ALKBH2: variants seen among roughly 807,000 people sequenced by gnomAD.
ALKBH2 encodes DNA oxidative demethylase ALKBH2.
Under a neutral mutation model 19.7 loss-of-function variants are expected in ALKBH2, and 19 were observed. The observed-to-expected ratio is 0.97, with a 90% CI of 0.67 to 1.42. ALKBH2 has a LOEUF of 1.42. Among genes scored for constraint, ALKBH2 ranks in the 40% most tolerant of loss-of-function variants. The pLI is 0.00. For synonymous variants in ALKBH2, 135 were observed against 131.2 expected (o/e 1.03, Z -0.20); for missense variants, 310 against 328.5 (o/e 0.94, Z 0.43).
intron 2 of ALKBH2, 84 bp from the exon 3 acceptor site, chr12:109,090,291 AC>A: frequency 1.6e-6 from 2 of 1,255,666 alleles, no homozygotes; most frequent in Non-Finnish European, 2.3e-6. Flanking sequence ...CACTGCCATC[AC>A]CAGAAATCCA....
Position 109,092,487 on chromosome 12 carries a change from A to ACACACACACACC in ALKBH2, c.280+19_280+20insGGTGTGTGTGTG. The ACACACACACACC allele has an allele frequency of 6.5e-7, 1 of 1,545,878 alleles. No homozygotes were observed. Reference sequence around the variant, plus strand: ...AAGCCCTCAATGCACACACACACACACACACACCCCTCTGCTTACCTGTAA... The same window carrying ACACACACACACC: ...AAGCCCTCAATGCACACACACACACACACACACACACCCACACACCCCTCTGCTTACCTGTAA... On this transcript the variant is annotated intron_variant, in intron 2 of 3. Transcript: ENST00000429722.
chr12:109,089,779 G>T lies in ALKBH2; in HGVS notation c.479+230C>A, dbSNP rs150584793. 2,809 of 549,332 alleles carry T rather than the reference G, an allele frequency of 5.1e-3. 142 individuals carry two copies. The Admixed American group carries it at 0.078, about 15-fold the overall frequency. The allele number at this position is 549,332 out of a possible 1,614,324, so 34.0% of individuals were successfully genotyped here. A position where few individuals can be genotyped will look rare whatever the true frequency, so the allele number is the denominator to read the frequency against. On this transcript the variant is annotated intron_variant, in intron 3 of 3. Coordinates refer to ENST00000429722, the MANE Select transcript of ALKBH2 (RefSeq NM_001145374.2). Reference sequence around the variant, plus strand: ...AAAAAAAGAAAGAAAAAGAGAAGAAGAAATTATCTCATTCAGCTGTTTGTT... The same window carrying T: ...AAAAAAAGAAAGAAAAAGAGAAGAATAAATTATCTCATTCAGCTGTTTGTT...
Position 109,088,271 on chromosome 12 carries a change from T to C in ALKBH2, c.721A>G (p.Arg241Gly), listed in dbSNP as rs781476026. 1 of 1,613,912 alleles carries C rather than the reference T, an allele frequency of 6.2e-7. No individual in the cohort carries two copies. The highest frequency in any genetic ancestry group is 8.5e-7 in the Non-Finnish European group (1 of 1,179,880). ...NTHWYHSLPV[R>G]KKVLAPRVNL... is the part of the protein sequence containing the mutation. ...ACCCGTGGAGCCAGAACCTTCTTTC[T>C]CACGGGAAGACTGTGGTACCAGTGC... Residue 241 changes from arginine to glycine, a missense_variant, in exon 4 of 4, where the codon AGA becomes GGA. By Grantham distance (125) the Arg-to-Gly change is moderately radical. Coordinates refer to ENST00000429722, the MANE Select transcript of ALKBH2 (RefSeq NM_001145374.2). This position sits in a 1 kb window ranked among gnomAD's most constrained non-coding sequence, Gnocchi z 4.2.
Position 109,092,330 on chromosome 12 carries a change from T to C in ALKBH2, c.280+177A>G, listed in dbSNP as rs1325874682. The C allele has an allele frequency of 1.9e-5, 18 of 963,942 alleles. No individual in the cohort carries two copies. In the South Asian group the frequency reaches 3.5e-4, roughly 19 times the overall value. The allele number at this position is 963,942 out of a possible 1,614,324, so 59.7% of individuals were successfully genotyped here. On this transcript the variant is annotated intron_variant, in intron 2 of 3. Transcript: ENST00000429722. ...CAATCCAGTTTCTTTCAAGTTTATG[T>C]CCCAAGCACCTAAGGGGCTTAGCCC...
chr12:109,092,340 C>CT, intron 2 of ALKBH2, 167 bp downstream of exon 2: 1 of 1,100,224 alleles, frequency 9.1e-7, no homozygotes, highest in Non-Finnish European at 1.2e-6. Context: ...TCCCAAGCAC[C>CT]TAAGGGGCTT....
Position 109,092,955 on chromosome 12 carries a change from G to A in ALKBH2, c.-151-18C>T, listed in dbSNP as rs2042087472. The A allele has an allele frequency of 7.0e-7, 1 of 1,421,466 alleles. No individual in the cohort carries two copies. Among genetic ancestry groups the A allele is most frequent in the African/African-American group, 1.4e-5 (1 of 69,224 alleles). 88.1% of individuals were successfully genotyped at this position (1,421,466 alleles called of 1,614,324 possible). Reference sequence around the variant, plus strand: ...ACCATGTCCTAGAAAGGAAACAGAAGATGTTAAAGCCGGAAGGGACCCTAG... The same window carrying A: ...ACCATGTCCTAGAAAGGAAACAGAAAATGTTAAAGCCGGAAGGGACCCTAG... On this transcript the variant is annotated intron_variant, in intron 1 of 3. Coordinates refer to ENST00000429722, the MANE Select transcript of ALKBH2 (RefSeq NM_001145374.2).
intron 2 of ALKBH2, among the ~76,000 whole-genome samples, chr12:109,091,433 G>C (rs1047098393): frequency 1.3e-5 from 2 of 152,140 alleles, no homozygotes; most frequent in Non-Finnish European, 2.9e-5. Flanking sequence ...ATGTTGCCCA[G>C]GCTGGACTTG....
rs1026359980 is a variant in ALKBH2, at chr12:109,088,280, G to A, written c.712C>T (p.Leu238Phe). ...HPTNTHWYHS[L>F]PVRKKVLAPR... ...GCCAGAACCTTCTTTCTCACGGGAA[G>A]ACTGTGGTACCAGTGCGTGTTGGTC... The change falls in exon 4 of 4, where the codon CTT becomes TTT. Residue 238 changes from leucine (L) to phenylalanine (F), a missense_variant. Leu to Phe is a conservative substitution (Grantham distance 22, BLOSUM62 0). Coordinates refer to ENST00000429722, the MANE Select transcript of ALKBH2 (RefSeq NM_001145374.2). The surrounding 1 kb of genome is among the most constrained non-coding windows in gnomAD (Gnocchi z 4.2). The A allele has an allele frequency of 1.2e-6, 2 of 1,614,124 alleles. No individual in the cohort carries two copies. Among genetic ancestry groups the A allele is most frequent in the Admixed American group, 1.7e-5 (1 of 60,016 alleles).
At chr12:109,089,924 G>C in intron 3 of ALKBH2, 85 bp downstream of exon 3, 1 of 1,470,020 alleles carries the variant, frequency 6.8e-7, no homozygotes, top group Non-Finnish European at 9.4e-7. Context: ...TTGTACCAAT[G>C]AACCAAATAG....
intron 3 of ALKBH2, among the ~76,000 whole-genome samples, chr12:109,089,400 G>C (rs1259885042): frequency 6.6e-6 from 1 of 152,144 alleles, no homozygotes; most frequent in Non-Finnish European, 1.5e-5. Context: ...CAGGGGACAG[G>C]TATTGGGGGG....
In ALKBH2 at chr12:109,088,486, C is replaced by G; in HGVS notation, c.506G>C (p.Gly169Ala). Residue 169 changes from glycine to alanine, a missense_variant, in exon 4 of 4, where the codon GGG becomes GCG. Coordinates refer to ENST00000429722, the MANE Select transcript of ALKBH2 (RefSeq NM_001145374.2). The surrounding 1 kb of genome is among the most constrained non-coding windows in gnomAD (Gnocchi z 4.2). ...NRYKDGCDHI[G>A]EHRDDERELA... ...TTCTCTTTCATCATCTCGGTGCTCCCCGATGTGGTCACAGCCATCTTTATA... is the reference window on the plus strand; with the variant it reads ...TTCTCTTTCATCATCTCGGTGCTCCGCGATGTGGTCACAGCCATCTTTATA... 1 of 1,606,330 alleles carries G rather than the reference C, an allele frequency of 6.2e-7. No individual in the cohort carries two copies. The highest frequency in any genetic ancestry group is 8.5e-7 in the Non-Finnish European group (1 of 1,174,236).
intron 2 of ALKBH2, among the ~76,000 whole-genome samples, chr12:109,091,328 G>A (rs988824879): frequency 6.6e-6 from 1 of 152,202 alleles, no homozygotes; most frequent in Admixed American, 6.5e-5. Flanking sequence ...CGAGGCTGCA[G>A]TGAGCCAAGA....
At position 109,092,571 on chromosome 12, in the gene ALKBH2, C is replaced by A. The variant is rs755245132; in HGVS notation, c.216G>T (p.Leu72=). Residue 72 remains leucine, a synonymous_variant, in exon 2 of 4, where the codon CTG becomes CTT. Coordinates refer to ENST00000429722, the MANE Select transcript of ALKBH2 (RefSeq NM_001145374.2). ...TCTCATCTGCCTCAGCTTTGCCAAA[C>A]AGGACTGTGTAACTGCAGTCCAGGC... ...AEGLDCSYTV[L]FGKAEADEIF... is the part of the protein sequence containing the mutation. The A allele has an allele frequency of 3.1e-6, 5 of 1,611,442 alleles. No homozygotes were observed. In the East Asian group the frequency reaches 1.1e-4, roughly 36 times the overall value.
chr12:109,092,416 C>T (rs907032564), intron 2 of ALKBH2, 91 bp downstream of exon 2: 3 of 1,425,578 alleles, frequency 2.1e-6, no homozygotes, highest in African/African-American at 2.9e-5. Flanking sequence ...ATAATGGATC[C>T]TGAGTTCAGA....
rs1446912303 is a variant in ALKBH2 at position 109,092,565 on chromosome 12, G to A, written c.222C>T (p.Gly74=). The A allele has an allele frequency of 1.2e-6, 2 of 1,604,902 alleles. No individual in the cohort carries two copies. Among genetic ancestry groups the A allele is most frequent in the Non-Finnish European group, 1.7e-6 (2 of 1,175,690 alleles). ...GGAAAATCTCATCTGCCTCAGCTTT[G>A]CCAAACAGGACTGTGTAACTGCAGT... ...GLDCSYTVLF[G]KAEADEIFQE... The change falls in exon 2 of 4, where the codon GGC becomes GGT. Residue 74 remains glycine, a synonymous_variant. Coordinates refer to ENST00000429722, the MANE Select transcript of ALKBH2 (RefSeq NM_001145374.2).
intron 2 of ALKBH2, among the ~76,000 whole-genome samples, chr12:109,090,819 T>C (rs1469309918): frequency 1.3e-5 from 2 of 152,180 alleles, no homozygotes; most frequent in Non-Finnish European, 2.9e-5. Context: ...GGATTATAGG[T>C]GTGCACCACT....
At chr12:109,091,519 G>C (rs879870261) in intron 2 of ALKBH2, among the ~76,000 whole-genome samples, 1 of 151,994 alleles carries the variant, frequency 6.6e-6, no homozygotes, top group Non-Finnish European at 1.5e-5. Flanking sequence ...CACCGTGCCT[G>C]GCCTGTGGGC....
Position 109,090,207 on chromosome 12 carries a change from C to G in ALKBH2, c.281G>C (p.Gly94Ala). ...ELEKEVEYFT[G>A]ALARVQVFGK... Reference sequence around the variant, plus strand: ...GAATACCTGGACTCTGGCCAGTGCTCCTGTGCAGAGGAAACATGGCAGTTC... The same window carrying G: ...GAATACCTGGACTCTGGCCAGTGCTGCTGTGCAGAGGAAACATGGCAGTTC... Residue 94 changes from glycine to alanine, a missense_variant and splice_region_variant, in exon 3 of 4, where the codon GGA (glycine) becomes GCA (alanine). Transcript: ENST00000429722. 1 of 1,612,958 alleles carries G rather than the reference C, an allele frequency of 6.2e-7. No individual in the cohort carries two copies.
At chr12:109,092,477 A>ACG in intron 2 of ALKBH2, 30 bp downstream of exon 2, 4 of 1,469,596 alleles carry the variant, frequency 2.7e-6, no homozygotes, top group Non-Finnish European at 3.7e-6. Flanking sequence ...CTCAATGCAC[A>ACG]CACACACACA....
Sources: allele counts gnomAD v4.1 joint callset (sites outside exome capture counted in the v4.1 genomes callset), GRCh38; gene constraint gnomAD v4.1.1; non-coding constraint Gnocchi (gnomAD v3.1); transcripts MANE v1.5; gene names NCBI Gene and HGNC (gene_info 2026-07-23, HGNC 2026-07-21).